The following MUC20 variants were observed in gnomAD, a reference collection of about 807,000 sequenced individuals.
The protein encoded by MUC20 is mucin 20, cell surface associated.
Under a neutral mutation model 23.8 loss-of-function variants are expected in MUC20, and 14 were observed. The ratio of observed to expected loss-of-function variants is 0.59; its 90% CI spans 0.39 to 0.92. MUC20 has a LOEUF of 0.92. MUC20 is among the 40% of genes least tolerant of loss of function. The pLI is 0.00. For synonymous variants in MUC20, 166 were observed against 279.3 expected (o/e 0.59, Z 4.04); for missense variants, 375 against 668.8 (o/e 0.56, Z 4.85).
chr3:195,730,575 C>G (rs571022520), intron 3 of MUC20, among the ~76,000 whole-genome samples: 42 of 152,218 alleles, frequency 2.8e-4, no homozygotes, highest in African/African-American at 9.9e-4. Context: ...TAGTCTCAAT[C>G]TCCTGACCTC....
At chr3:195,722,035 A>AAG (rs1261950271) in intron 1 of MUC20, 3 of 184,244 alleles carry the variant, frequency 1.6e-5, no homozygotes, top group African/African-American at 7.2e-5. Context: ...TTCAAAAAAA[A>AAG]AAAAGCTGCA....
Position 195,733,259 on chromosome 3 carries a change from G to C in MUC20, c.*41G>C. ...GCCAGGCATGTCCCGTATGCCAAAAGAGGGTGCTGCCCCTAGCCTGGGCCC... is the reference window on the plus strand; with the variant it reads ...GCCAGGCATGTCCCGTATGCCAAAACAGGGTGCTGCCCCTAGCCTGGGCCC... On this transcript the variant is annotated 3_prime_UTR_variant, in exon 4 of 4. Transcript: ENST00000447234. The C allele has an allele frequency of 6.4e-7, 1 of 1,562,940 alleles. No homozygotes were observed. The highest frequency in any genetic ancestry group is 8.7e-7 in the Non-Finnish European group (1 of 1,154,184).
Position 195,726,324 on chromosome 3 carries a change from A to G in MUC20, c.1721A>G (p.Tyr574Cys), listed in dbSNP as rs760315791. The G allele has an allele frequency of 3.1e-6, 5 of 1,613,920 alleles. No individual in the cohort carries two copies. Among genetic ancestry groups the G allele is most frequent in the South Asian group, 2.2e-5 (2 of 91,080 alleles). Residue 574 changes from tyrosine (Y) to cysteine (C), a missense_variant, in exon 2 of 4, where the codon TAC (tyrosine) becomes TGC (cysteine). By Grantham distance (194) the Tyr-to-Cys change is radical. Around this residue, in one of 4 missense-constraint regions of MUC20, gnomAD observed 343 missense variants for 340.2 expected, o/e 1.01. Transcript: ENST00000447234. ...TSFAGSSASS[Y>C]SPSEAALKNF... The stretch of plus-strand genomic sequence containing the variant: ...TTTGCTGGGAGCTCTGCTTCCTCCT[A>G]CAGCCCCTCGGAAGCCGCCCTCAAG...
chr3:195,729,094 G>C (rs538255091), intron 2 of MUC20, among the ~76,000 whole-genome samples: 1 of 152,230 alleles, frequency 6.6e-6, no homozygotes, highest in Non-Finnish European at 1.5e-5. Context: ...CTTTTCCCTG[G>C]AAAGAAAAAT....
At chr3:195,731,443 T>C (rs993443921) in intron 3 of MUC20, among the ~76,000 whole-genome samples, 1 of 152,190 alleles carries the variant, frequency 6.6e-6, no homozygotes, top group African/African-American at 2.4e-5. Context: ...CTGTCGTAAG[T>C]AAAAGGGGGA....
chr3:195,726,602 G>T (rs1325028492), intron 2 of MUC20, 30 bp downstream of exon 2: 8 of 1,587,536 alleles, frequency 5.0e-6, no homozygotes, highest in African/African-American at 1.3e-5. Context: ...GATCTTCGGG[G>T]ATTTGGGATG....
intron 3 of MUC20, chr3:195,730,099 CAAA>C (rs4036961): frequency 2.7e-4 from 25 of 93,142 alleles, no homozygotes; most frequent in Middle Eastern, 6.2e-3. Context: ...GCAGTTTATG[CAAA>C]AAAAAAAAAA....
rs1404290992 is a variant in MUC20 at position 195,733,449 on chromosome 3, C to T, written c.*231C>T. On this transcript the variant is annotated 3_prime_UTR_variant, in exon 4 of 4. Coordinates refer to ENST00000447234, the MANE Select transcript of MUC20 (RefSeq NM_001282506.2). Reference sequence around the variant, plus strand: ...GGGCTTCACCTGTTCCCAGAGGTGTCCTTGGACTCACCTTGGCACATGTTC... The same window carrying T: ...GGGCTTCACCTGTTCCCAGAGGTGTTCTTGGACTCACCTTGGCACATGTTC... 1.1e-5 allele frequency: 16 copies of T among 1,420,018 alleles called. No homozygotes were observed. Among genetic ancestry groups the T allele is most frequent in the African/African-American group, 2.9e-5 (2 of 69,540 alleles). 88.0% of individuals were successfully genotyped at this position (1,420,018 alleles called of 1,614,324 possible).
At chr3:195,729,607 C>T (rs111854338) in intron 2 of MUC20, 41 bp from the exon 3 acceptor site, 156,060 of 1,511,778 alleles carry the variant, frequency 0.1, 1,931 homozygotes, top group Middle Eastern at 0.2. Context: ...TGAGCCACTG[C>T]GCCCAGCCCT....
chr3:195,722,027 C>CCA (rs112251722), intron 1 of MUC20: 1 of 162,776 alleles, frequency 6.1e-6, no homozygotes, highest in East Asian at 1.9e-4. Flanking sequence ...AACTATGTTT[C>CCA]AAAAAAAAAA....
chr3:195,729,765 G>A (rs1299767846), intron 3 of MUC20, 26 bp downstream of exon 3: 2 of 1,572,088 alleles, frequency 1.3e-6, no homozygotes, highest in Non-Finnish European at 8.6e-7. Context: ...CCGGGCCAGG[G>A]GAGTAGAGGA....
At chr3:195,728,720 A>C (rs1713023070) in intron 2 of MUC20, among the ~76,000 whole-genome samples, 1 of 132,280 alleles carries the variant, frequency 7.6e-6, no homozygotes, top group Admixed American at 7.4e-5. Context: ...TTGTCATCCC[A>C]CAAGGCCATA....
intron 3 of MUC20, 69 bp from the exon 4 acceptor site, chr3:195,733,081 T>G (rs1713561831): frequency 6.6e-7 from 1 of 1,512,762 alleles, no homozygotes; most frequent in Non-Finnish European, 9.0e-7. Flanking sequence ...TGTCCCTTCC[T>G]GTCCTCTGCC....
chr3:195,729,482 C>T (rs1248550425), intron 2 of MUC20, 166 bp from the exon 3 acceptor site: 10 of 671,812 alleles, frequency 1.5e-5, no homozygotes, highest in Admixed American at 2.5e-5. Flanking sequence ...ATGCCCGGCT[C>T]ATTTTGTGTT....
chr3:195,729,812 C>A, intron 3 of MUC20, 73 bp downstream of exon 3: 2 of 1,404,186 alleles, frequency 1.4e-6, no homozygotes, highest in Non-Finnish European at 2.0e-6. Context: ...GGAAGACCCG[C>A]AGGACACAGA....
At chr3:195,721,630 A>G (rs1396221244) in intron 1 of MUC20, 4 of 165,610 alleles carry the variant, frequency 2.4e-5, no homozygotes, top group Non-Finnish European at 5.2e-5. Flanking sequence ...AAAGACGGGA[A>G]TGAACCCTGA....
chr3:195,722,950 T>G (rs112488447), intron 1 of MUC20: 8,544 of 133,194 alleles, frequency 0.064, 27 homozygotes, highest in East Asian at 0.19. Flanking sequence ...TGCTTTCCAG[T>G]GGCCTGGGAG....
At chr3:195,729,311 C>T (rs1713096882) in intron 2 of MUC20, 1 of 312,072 alleles carries the variant, frequency 3.2e-6, no homozygotes, top group Non-Finnish European at 5.9e-6. Context: ...ATTTCATCCT[C>T]CTCTTTTTTT....
intron 2 of MUC20, 116 bp downstream of exon 2, chr3:195,726,688 C>T (rs1446173661): frequency 1.0e-5 from 13 of 1,250,996 alleles, no homozygotes; most frequent in Admixed American, 2.3e-5. Flanking sequence ...GAGCCTGCTC[C>T]TGATGTTGCC....
Sources: gnomAD v4.1 joint callset for allele counts (sites outside exome capture counted in the v4.1 genomes callset) on GRCh38, gnomAD v4.1.1 for gene constraint, gnomAD v4.1.1 regional missense constraint, MANE v1.5 for transcripts, NCBI Gene and HGNC (gene_info 2026-07-23, HGNC 2026-07-21) for gene names.